The following CDIPT variants were observed in gnomAD, a reference collection of about 807,000 sequenced individuals.
CDIPT encodes the protein CDP-diacylglycerol--inositol 3-phosphatidyltransferase, also known as PI synthase.
CDIPT carries 17 observed loss-of-function variants against 21.6 expected under a neutral mutation model. The ratio of observed to expected loss-of-function variants is 0.79; its 90% confidence interval spans 0.54 to 1.18. The LOEUF (loss-of-function observed/expected upper bound fraction) is 1.18. Ranked by LOEUF, CDIPT falls within the 50% of genes most tolerant of loss-of-function variation. CDIPT has a pLI of 0.00. For synonymous variants in CDIPT, 119 were observed against 117.9 expected, an observed-to-expected ratio of 1.01 and a Z score of -0.06; for missense variants, 254 against 284.9, an observed-to-expected ratio of 0.89 and a Z score of 0.78.
In CDIPT at chr16:29,858,941, G is replaced by A. The variant is rs747435384; in HGVS notation, c.*248C>T. ...GAGCAGGCAGGGTGTGACACTGCCCGGTCCCGGCACCCCAGGAGCACCGCC... is the reference window on the plus strand; with the variant it reads ...GAGCAGGCAGGGTGTGACACTGCCCAGTCCCGGCACCCCAGGAGCACCGCC... On this transcript the variant is annotated 3_prime_UTR_variant, in exon 6 of 6. Transcript: ENST00000219789. 5.5e-5 allele frequency: 30 copies of A among 547,078 alleles called. No individual in the cohort carries two copies. Among genetic ancestry groups the A allele is most frequent in the Non-Finnish European group, 9.8e-5 (30 of 306,024 alleles). 33.9% of individuals were successfully genotyped at this position (547,078 alleles called of 1,614,324 possible).
At position 29,859,177 on chromosome 16, in the gene CDIPT, G is replaced by A. The variant is rs1223799937; in HGVS notation, c.*12C>T. On this transcript the variant is annotated 3_prime_UTR_variant, in exon 6 of 6. Transcript: ENST00000219789. The surrounding 1 kb of genome is among the most constrained non-coding windows in gnomAD (Gnocchi z 4.5). ...CAGGGCAGGTGGGCAGCCAGGACCC[G>A]GGGCTCCAGCGTCACTTCTTCTTGG... 6.3e-6 allele frequency: 10 copies of A among 1,589,586 alleles called. No individual in the cohort carries two copies. Among genetic ancestry groups the A allele is most frequent in the East Asian group, 4.5e-5 (2 of 44,008 alleles).
In CDIPT at chr16:29,858,381, A is replaced by T. The variant is rs554640761; in HGVS notation, c.*808T>A. 2 of 152,340 alleles carry T rather than the reference A, an allele frequency of 1.3e-5. No homozygotes were observed. Among genetic ancestry groups the T allele is most frequent in the Admixed American group, 1.3e-4 (2 of 15,288 alleles). 9.4% of individuals were successfully genotyped at this position (152,340 alleles called of 1,614,324 possible). A position where few individuals can be genotyped will look rare whatever the true frequency, so the allele number is the denominator to read the frequency against. ...CTCATTGACAGACGAGTATTTATTA[A>T]GCAGCTACTATATGCCAGGTTCAAG... On this transcript the variant is annotated 3_prime_UTR_variant, in exon 6 of 6. Transcript: ENST00000219789.
rs530047011 is a variant in CDIPT, at chr16:29,859,581, C to T, written c.415-58G>A. 16 of 1,097,674 alleles carry T rather than the reference C, an allele frequency of 1.5e-5. No homozygotes were observed. The African/African-American group carries it at 2.2e-4, about 15-fold the overall frequency. 68.0% of individuals were successfully genotyped at this position (1,097,674 alleles called of 1,614,324 possible). A position where few individuals can be genotyped will look rare whatever the true frequency, so the allele number is the denominator to read the frequency against. On this transcript the variant is annotated intron_variant, in intron 4 of 5. Transcript: ENST00000219789. The surrounding 1 kb of genome is among the most constrained non-coding windows in gnomAD (Gnocchi z 4.5). ...GAGGCAGGCGTGTGCCACCCCCTGC[C>T]CCCCCAGCACTAATGAAGGCACAAT... is the stretch of plus-strand genomic sequence containing the variant.
At chr16:29,860,463 G>T in intron 4 of CDIPT, 118 bp downstream of exon 4, 1 of 685,148 alleles carries the variant, frequency 1.5e-6, no homozygotes, top group Non-Finnish European at 2.7e-6. Context: ...CCTCCTCCTG[G>T]AGTGACTGGG....
In CDIPT at chr16:29,862,350, A is replaced by C. The variant is rs1490480945; in HGVS notation, c.178+236T>G. On this transcript the variant is annotated intron_variant, in intron 2 of 5. Transcript: ENST00000219789. This position sits in a 1 kb window ranked among gnomAD's most constrained non-coding sequence, Gnocchi z 6.7. ...GGTGGGAGGATTACTTGAGCCCAGA[A>C]GATGGGGGCTGCAGTGAGCCATGAT... 6.6e-6 allele frequency among the ~76,000 whole-genome samples: 1 copy of C among 152,202 alleles called. No homozygotes were observed. Among genetic ancestry groups the C allele is most frequent in the African/African-American group, 2.4e-5 (1 of 41,458 alleles).
At chr16:29,861,363 G>T (rs778197917) in intron 2 of CDIPT, 104 bp from the exon 3 acceptor site, 105 of 1,559,600 alleles carry the variant, frequency 6.7e-5, no homozygotes, top group Middle Eastern at 6.7e-4. Context: ...AAGACTGGAA[G>T]TGTCCGCCTG....
Position 29,861,177 on chromosome 16 carries a change from G to T in CDIPT, c.261C>A (p.Tyr87Ter), listed in dbSNP as rs1411182226. 1 of 1,614,192 alleles carries T rather than the reference G, an allele frequency of 6.2e-7. No individual in the cohort carries two copies. The highest frequency in any genetic ancestry group is 1.7e-5 in the Admixed American group (1 of 60,020). Residue 87 changes from tyrosine (Y) to a stop codon, truncating the protein, a stop_gained, in exon 3 of 6, where the codon TAC (tyrosine) becomes TAA (stop). Transcript: ENST00000219789. LOFTEE classifies it high-confidence loss of function. ...MCLLVNLALL[Y>*]PGATLFFQIS... ...TTTGGAAGAACAGCGTGGCTCCAGG[G>T]TACAGCAGGGCCAGGTTGACCAACA...
Position 29,859,334 on chromosome 16 carries a change from A to G in CDIPT, c.497T>C (p.Val166Ala), listed in dbSNP as rs1406481406. The stretch of plus-strand genomic sequence containing the variant: ...CATCCGGAACAGTCCCACAGAGCCA[A>G]CTGCAGGAAGGCAGCAGGGGAGTTT... ...YLFHFSEGPL[V>A]GSVGLFRMGL... The change falls in exon 6 of 6, where the codon GTT (valine) becomes GCT (alanine). Residue 166 changes from valine (V) to alanine (A), a missense_variant and splice_region_variant. Coordinates refer to ENST00000219789, the MANE Select transcript of CDIPT (RefSeq NM_006319.5). This position sits in a 1 kb window ranked among gnomAD's most constrained non-coding sequence, Gnocchi z 4.5. 1 of 1,565,874 alleles carries G rather than the reference A, an allele frequency of 6.4e-7. No homozygotes were observed. The highest frequency in any genetic ancestry group is 8.7e-7 in the Non-Finnish European group (1 of 1,154,838).
chr16:29,859,574 C>T lies in CDIPT; in HGVS notation c.415-51G>A. The T allele has an allele frequency of 1.7e-6, 2 of 1,196,966 alleles. No individual in the cohort carries two copies. Among genetic ancestry groups the T allele is most frequent in the Non-Finnish European group, 2.5e-6 (2 of 805,496 alleles). 74.1% of individuals were successfully genotyped at this position (1,196,966 alleles called of 1,614,324 possible). On this transcript the variant is annotated intron_variant, in intron 4 of 5. Coordinates refer to ENST00000219789, the MANE Select transcript of CDIPT (RefSeq NM_006319.5). This position sits in a 1 kb window ranked among gnomAD's most constrained non-coding sequence, Gnocchi z 4.5. ...TTAGCAAGAGGCAGGCGTGTGCCAC[C>T]CCCTGCCCCCCCAGCACTAATGAAG...
Position 29,863,040 on chromosome 16 carries a change from A to C in CDIPT, c.-183T>G. 1.4e-6 allele frequency: 1 copy of C among 711,958 alleles called. No individual in the cohort carries two copies. Among genetic ancestry groups the C allele is most frequent in the South Asian group, 1.6e-5 (1 of 64,086 alleles). 44.1% of individuals were successfully genotyped at this position (711,958 alleles called of 1,614,324 possible). A position where few individuals can be genotyped will look rare whatever the true frequency, so the allele number is the denominator to read the frequency against. On this transcript the variant is annotated 5_prime_UTR_variant, in exon 1 of 6. Coordinates refer to ENST00000219789, the MANE Select transcript of CDIPT (RefSeq NM_006319.5). ...CCGTCGGGAGCATGGACCGGCCCCG[A>C]GGTGCGCGGGACGCAGGGGGCGCGC...
rs2067678300 is a variant in CDIPT at position 29,861,184 on chromosome 16, AG to A, written c.253del (p.Leu85CysfsTer14). The A allele has an allele frequency of 6.2e-7, 1 of 1,614,196 alleles. No homozygotes were observed. The highest frequency in any genetic ancestry group is 8.5e-7 in the Non-Finnish European group (1 of 1,180,026). On this transcript the variant is annotated frameshift_variant, in exon 3 of 6. Coordinates refer to ENST00000219789, the MANE Select transcript of CDIPT (RefSeq NM_006319.5). LOFTEE classifies it high-confidence loss of function. ...GAACAGCGTGGCTCCAGGGTACAGC[AG>A]GGCCAGGTTGACCAACAGGCACATG... ...STMCLLVNLA[L>X]LYPGATLFFQ...
At chr16:29,860,806 G>C (rs1239609238) in intron 3 of CDIPT, 144 bp from the exon 4 acceptor site, 1 of 652,654 alleles carries the variant, frequency 1.5e-6, no homozygotes, top group African/African-American at 1.8e-5. Context: ...ACCTATTTGG[G>C]GGCAGAGTCA....
Position 29,862,654 on chromosome 16 carries a change from G to A in CDIPT, c.110C>T (p.Ser37Phe). ...CAGGCCGCTGAGCAGGTAGAAGGAG[G>A]AGGCCGTGAGGGGGCAGCAGGGCAT... ...YFMPCCPLTA[S>F]SFYLLSGLLD... Residue 37 changes from serine (S) to phenylalanine (F), a missense_variant, in exon 2 of 6, where the codon TCC (serine) becomes TTC (phenylalanine). Transcript: ENST00000219789. The surrounding 1 kb of genome is among the most constrained non-coding windows in gnomAD (Gnocchi z 6.7). 1.2e-6 allele frequency: 2 copies of A among 1,612,958 alleles called. No homozygotes were observed. Among genetic ancestry groups the A allele is most frequent in the Non-Finnish European group, 1.7e-6 (2 of 1,179,460 alleles).
chr16:29,860,467 G>T, intron 4 of CDIPT, 114 bp downstream of exon 4: 1 of 695,548 alleles, frequency 1.4e-6, no homozygotes, highest in Non-Finnish European at 2.6e-6. Context: ...CTCCTGGAGT[G>T]ACTGGGCAGG....
chr16:29,861,715 G>A lies in CDIPT; in HGVS notation c.179-456C>T, dbSNP rs192472953. Reference sequence around the variant, plus strand: ...AGTAGGCCTCCAGTAAACACCTGTTGAATACACTGTTTTTTGTTTTTTGTT... The same window carrying A: ...AGTAGGCCTCCAGTAAACACCTGTTAAATACACTGTTTTTTGTTTTTTGTT... On this transcript the variant is annotated intron_variant, in intron 2 of 5. Transcript: ENST00000219789. 2.7e-3 allele frequency: 1,575 copies of A among 577,662 alleles called. 31 individuals are homozygous for A. The Admixed American group carries it at 0.045, about 17-fold the overall frequency. 35.8% of individuals were successfully genotyped at this position (577,662 alleles called of 1,614,324 possible). A position where few individuals can be genotyped will look rare whatever the true frequency, so the allele number is the denominator to read the frequency against.
At position 29,862,961 on chromosome 16, in the gene CDIPT, C is replaced by G; in HGVS notation, c.-104G>C. On this transcript the variant is annotated 5_prime_UTR_variant, in exon 1 of 6. Transcript: ENST00000219789. This position sits in a 1 kb window ranked among gnomAD's most constrained non-coding sequence, Gnocchi z 6.7. ...CCGGCCCGGCGCATCGGCCGCACCA[C>G]CTGCGCCCTGGACCCCGCCGCCCCA... The G allele has an allele frequency of 1.5e-6, 2 of 1,338,958 alleles. No homozygotes were observed. The highest frequency in any genetic ancestry group is 1.4e-5 in the African/African-American group (1 of 69,374). 82.9% of individuals were successfully genotyped at this position (1,338,958 alleles called of 1,614,324 possible). A position where few individuals can be genotyped will look rare whatever the true frequency, so the allele number is the denominator to read the frequency against.
At position 29,862,824 on chromosome 16, in the gene CDIPT, T is replaced by G; in HGVS notation, c.34A>C (p.Asn12His). The G allele has an allele frequency of 6.2e-7, 1 of 1,614,024 alleles. No homozygotes were observed. The highest frequency in any genetic ancestry group is 8.5e-7 in the Non-Finnish European group (1 of 1,179,996). ...PDENIFLFVP[N>H]LIGYARIVFA... is the part of the protein sequence containing the mutation. ...CGTGGGCAGCACTCACCGATGAGGT[T>G]GGGCACGAACAGGAAGATATTTTCG... Residue 12 changes from asparagine (N) to histidine (H), a missense_variant, in exon 1 of 6, where the codon AAC becomes CAC. Asn to His is a moderately conservative substitution (Grantham distance 68, BLOSUM62 1). Coordinates refer to ENST00000219789, the MANE Select transcript of CDIPT (RefSeq NM_006319.5). This position sits in a 1 kb window ranked among gnomAD's most constrained non-coding sequence, Gnocchi z 6.7.
intron 3 of CDIPT, 104 bp downstream of exon 3, chr16:29,861,002 C>T: frequency 8.8e-7 from 1 of 1,137,446 alleles, no homozygotes; most frequent in Non-Finnish European, 1.3e-6. Context: ...AAAAAGGAGC[C>T]CTTCCAGGAT....
rs1022699929 is a variant in CDIPT at position 29,859,119 on chromosome 16, G to T, written c.*70C>A. 2.0e-6 allele frequency: 3 copies of T among 1,506,584 alleles called. No homozygotes were observed. Among genetic ancestry groups the T allele is most frequent in the Admixed American group, 4.0e-5 (2 of 50,528 alleles). 93.3% of individuals were successfully genotyped at this position (1,506,584 alleles called of 1,614,324 possible). A position where few individuals can be genotyped will look rare whatever the true frequency, so the allele number is the denominator to read the frequency against. ...GCGTGAGACTGGGACCTCCTAGCAG[G>T]GGGTGGGGAGCTGTGTGGCACAGCA... On this transcript the variant is annotated 3_prime_UTR_variant, in exon 6 of 6. Coordinates refer to ENST00000219789, the MANE Select transcript of CDIPT (RefSeq NM_006319.5). This position sits in a 1 kb window ranked among gnomAD's most constrained non-coding sequence, Gnocchi z 4.5.
Sources: allele counts gnomAD v4.1 joint callset (sites outside exome capture counted in the v4.1 genomes callset), GRCh38; gene constraint gnomAD v4.1.1; non-coding constraint Gnocchi (gnomAD v3.1); transcripts MANE v1.5; gene names NCBI Gene and HGNC (gene_info 2026-07-23, HGNC 2026-07-21).